The following ANO4 variants were observed in gnomAD, a reference collection of about 807,000 sequenced individuals.
The protein encoded by ANO4 is anoctamin-4.
ANO4 carries 69 observed loss-of-function variants against 141.9 expected under a neutral mutation model. The ratio of observed to expected loss-of-function variants is 0.49; its 90% CI spans 0.40 to 0.59. ANO4 has a LOEUF of 0.59. ANO4 is among the 20% of genes least tolerant of loss of function. The pLI, the probability that ANO4 is intolerant of heterozygous loss-of-function variation, is 0.00. For synonymous variants in ANO4, 350 were observed against 394.3 expected (o/e 0.89, Z 1.33); for missense variants, 894 against 1,162.2 (o/e 0.77, Z 3.36).
chr12:101,005,269 T>C (rs2045824312), intron 8 of ANO4, among the ~76,000 whole-genome samples: 1 of 152,224 alleles, frequency 6.6e-6, no homozygotes, highest in African/African-American at 2.4e-5. Flanking sequence ...GAGGATTAAT[T>C]AGGAAATATT....
At chr12:100,937,756 G>T (rs2042344755) in intron 3 of ANO4, among the ~76,000 whole-genome samples, 1 of 152,142 alleles carries the variant, frequency 6.6e-6, no homozygotes, top group Admixed American at 6.6e-5. Context: ...CTCCAGGGGA[G>T]AATCTGCTTT....
chr12:100,994,127 G>A (rs1210740523), intron 8 of ANO4, among the ~76,000 whole-genome samples: 1 of 152,126 alleles, frequency 6.6e-6, no homozygotes, highest in Non-Finnish European at 1.5e-5. Flanking sequence ...AATTTCCCCT[G>A]GTGGTAGTGG....
chr12:100,739,152 A>G (rs1045157580), intron 2 of ANO4, among the ~76,000 whole-genome samples: 3 of 148,792 alleles, frequency 2.0e-5, no homozygotes, highest in African/African-American at 7.3e-5. Context: ...TAATTTATAT[A>G]TATATAAAAG....
intron 1 of ANO4, among the ~76,000 whole-genome samples, chr12:100,807,567 T>C (rs1185707749): frequency 6.6e-6 from 1 of 151,976 alleles, no homozygotes; most frequent in African/African-American, 2.4e-5. Flanking sequence ...CTAGGGAGAG[T>C]GTTTTTTAAC....
intron 22 of ANO4, among the ~76,000 whole-genome samples, chr12:101,104,348 G>C (rs2050323868): frequency 6.6e-6 from 1 of 150,974 alleles, no homozygotes; most frequent in Admixed American, 6.6e-5. Context: ...TAGGCATTCA[G>C]AGCTATAATG....
In ANO4 at chr12:100,942,399, C is replaced by T. The variant is rs141833422; in HGVS notation, c.320C>T (p.Ser107Leu). Residue 107 changes from serine to leucine, a missense_variant, in exon 5 of 28, where the codon TCA becomes TTA. Physicochemically the swap from Ser to Leu is moderately radical, Grantham distance 145. Around this residue, in one of 2 missense-constraint regions of ANO4, gnomAD observed 257 missense variants for 253.0 expected, o/e 1.02. Coordinates refer to ENST00000392977, the MANE Select transcript of ANO4 (RefSeq NM_001286615.2). ...GGETVPERNK[S>L]NGLYFRDGKC... is the part of the protein sequence containing the mutation. ...CAGACAGTGCCAGAAAGAAACAAAT[C>T]AAATGGACTTTACTTTCGAGATGGA... is the stretch of plus-strand genomic sequence containing the variant. 65 of 1,613,766 alleles carry T rather than the reference C, an allele frequency of 4.0e-5. No homozygotes were observed. Among genetic ancestry groups the T allele is most frequent in the Admixed American group, 6.7e-5 (4 of 59,944 alleles).
chr12:100,723,705 A>G (rs4312159), intron 1 of ANO4, among the ~76,000 whole-genome samples: 2 of 152,220 alleles, frequency 1.3e-5, no homozygotes, highest in African/African-American at 4.8e-5. Flanking sequence ...CTTACTAGTC[A>G]GTTCTCTAGA....
chr12:100,829,019 TAAA>T (rs34068673), intron 1 of ANO4, among the ~76,000 whole-genome samples: 19 of 147,106 alleles, frequency 1.3e-4, no homozygotes, highest in Admixed American at 4.7e-4. Flanking sequence ...GACTCTGTCT[TAAA>T]AAAAAAAAAA....
chr12:100,822,625 A>C (rs568746806), intron 1 of ANO4, among the ~76,000 whole-genome samples: 2 of 152,186 alleles, frequency 1.3e-5, no homozygotes, highest in African/African-American at 4.8e-5. Context: ...TGGAAAAAAG[A>C]GAATGGTAAC....
chr12:100,925,660 A>G (rs1003025190), intron 3 of ANO4, among the ~76,000 whole-genome samples: 2 of 150,988 alleles, frequency 1.3e-5, no homozygotes, highest in Non-Finnish European at 3.0e-5. Context: ...AAAAAAGAAT[A>G]CAGAATTCTG....
At chr12:100,840,720 T>G (rs1311062835) in intron 1 of ANO4, among the ~76,000 whole-genome samples, 3 of 152,152 alleles carry the variant, frequency 2.0e-5, no homozygotes, top group African/African-American at 7.2e-5. Flanking sequence ...ATATCTCTTT[T>G]CCAGACTGTA....
At chr12:101,087,513 C>T (rs1310192739) in intron 17 of ANO4, among the ~76,000 whole-genome samples, 1 of 151,978 alleles carries the variant, frequency 6.6e-6, no homozygotes, top group African/African-American at 2.4e-5. Context: ...CAGAGGGAGA[C>T]CCTGTCTCAA....
chr12:101,068,484 T>C, intron 14 of ANO4: 4 of 986,984 alleles, frequency 4.1e-6, no homozygotes, highest in Non-Finnish European at 4.9e-6. Context: ...TCTCACCCTG[T>C]TCTCAGTAAA....
At chr12:100,821,310 A>G (rs1291610940) in intron 1 of ANO4, among the ~76,000 whole-genome samples, 1 of 152,076 alleles carries the variant, frequency 6.6e-6, no homozygotes, top group Non-Finnish European at 1.5e-5. Context: ...GGCTGGAGCA[A>G]TGAGGAAGGC....
chr12:101,055,174 T>TA (rs1189138779), intron 14 of ANO4, among the ~76,000 whole-genome samples: 5 of 152,358 alleles, frequency 3.3e-5, no homozygotes, highest in African/African-American at 1.2e-4. Context: ...AAAGCCTTTG[T>TA]AGCCATTCAT....
At chr12:100,981,729 C>T (rs912343514) in intron 7 of ANO4, among the ~76,000 whole-genome samples, 1 of 152,152 alleles carries the variant, frequency 6.6e-6, no homozygotes, top group Non-Finnish European at 1.5e-5. Flanking sequence ...AATGACCTTT[C>T]TTCTACTTCC....
chr12:101,091,445 T>C (rs989374803), intron 17 of ANO4, among the ~76,000 whole-genome samples: 7 of 152,150 alleles, frequency 4.6e-5, no homozygotes, highest in African/African-American at 1.7e-4. Context: ...ATGTGTAATA[T>C]AGTTGGAATG....
chr12:100,966,576 A>G (rs2043663593), intron 5 of ANO4, among the ~76,000 whole-genome samples: 1 of 151,928 alleles, frequency 6.6e-6, no homozygotes, highest in Non-Finnish European at 1.5e-5. Context: ...CCAGACTTCT[A>G]CCCTGAGCTC....
chr12:101,082,925 C>G (rs972361542), intron 15 of ANO4, among the ~76,000 whole-genome samples: 4 of 152,186 alleles, frequency 2.6e-5, no homozygotes, highest in Admixed American at 1.3e-4. Context: ...ACATCAGGTT[C>G]CCTTGCTGAT....
Sources: gnomAD v4.1 joint callset for allele counts (sites outside exome capture counted in the v4.1 genomes callset) on GRCh38, gnomAD v4.1.1 for gene constraint, gnomAD v4.1.1 regional missense constraint, MANE v1.5 for transcripts, NCBI Gene and HGNC (gene_info 2026-07-23, HGNC 2026-07-21) for gene names.